Variants in ARAP3 observed in about 807,000 individuals in gnomAD.
ARAP3 encodes arf-GAP with Rho-GAP domain, ANK repeat and PH domain-containing protein 3.
ARAP3 carries 82 observed loss-of-function variants against 169.2 expected under a neutral mutation model. The observed-to-expected ratio is 0.48, with a 90% confidence interval of 0.41 to 0.58. ARAP3 has a LOEUF of 0.58. Ranked by LOEUF, ARAP3 falls within the 20% of genes least tolerant of loss-of-function variation. ARAP3 has a pLI of 0.00. For missense variants in ARAP3, 1,764 were observed against 2,018.0 expected, an observed-to-expected ratio of 0.87 and a Z score of 2.41; for synonymous variants, 791 against 800.3, an observed-to-expected ratio of 0.99 and a Z score of 0.20.
chr5:141,677,428 C>T (rs1472059581), intron 4 of ARAP3, among the ~76,000 whole-genome samples: 3 of 152,202 alleles, frequency 2.0e-5, no homozygotes, highest in African/African-American at 7.2e-5. Context: ...CCATACTGGT[C>T]AGCACCAGCT....
Position 141,666,419 on chromosome 5 carries a change from C to G in ARAP3, c.2572+5G>C. ...ATCCCTGTCCCCCCAAACCTCCCCGCTTACTGATCTCCTGTAGCCGCCGCA... is the reference window on the plus strand; with the variant it reads ...ATCCCTGTCCCCCCAAACCTCCCCGGTTACTGATCTCCTGTAGCCGCCGCA... On this transcript the variant is annotated splice_donor_5th_base_variant and intron_variant, in intron 17 of 32. Transcript: ENST00000239440. 6.4e-7 allele frequency: 1 copy of G among 1,564,082 alleles called. No individual in the cohort carries two copies. The highest frequency in any genetic ancestry group is 8.7e-7 in the Non-Finnish European group (1 of 1,153,672).
chr5:141,670,042 A>T lies in ARAP3; in HGVS notation c.2129T>A (p.Val710Glu), dbSNP rs941976222. ...AAACATTTCCAGAGCTGCTCCCAGCACACACCAAAGGCGCGGGGGAGCTAA... is the reference window on the plus strand; with the variant it reads ...AAACATTTCCAGAGCTGCTCCCAGCTCACACCAAAGGCGCGGGGGAGCTAA... ...GRDAPPRLWC[V>E]LGAALEMFAS... is the part of the protein sequence containing the mutation. The change falls in exon 15 of 33, where the codon GTG becomes GAG. Residue 710 changes from valine to glutamate, a missense_variant. Physicochemically the swap from Val to Glu is moderately radical, Grantham distance 121 (BLOSUM62 -2). Around this residue, in one of 3 missense-constraint regions of ARAP3, gnomAD observed 1,112 missense variants for 1,285.7 expected, o/e 0.86. Transcript: ENST00000239440. The T allele has an allele frequency of 2.5e-6, 4 of 1,598,164 alleles. No homozygotes were observed. The highest frequency in any genetic ancestry group is 3.4e-6 in the Non-Finnish European group (4 of 1,176,128).
intron 21 of ARAP3, among the ~76,000 whole-genome samples, 176 bp downstream of exon 21, chr5:141,661,508 A>C (rs1308182249): frequency 1.3e-5 from 2 of 152,270 alleles, no homozygotes; most frequent in East Asian, 3.8e-4. Context: ...GCACCAGATT[A>C]AAGCCTAGGT....
chr5:141,677,353 T>C (rs1286516569), intron 4 of ARAP3, among the ~76,000 whole-genome samples: 1 of 152,242 alleles, frequency 6.6e-6, no homozygotes, highest in Non-Finnish European at 1.5e-5. Flanking sequence ...TTTACATTTA[T>C]TGTGCATCTC....
chr5:141,665,512 A>G, intron 17 of ARAP3, 138 bp from the exon 18 acceptor site: 1 of 811,492 alleles, frequency 1.2e-6, no homozygotes, highest in Non-Finnish European at 1.9e-6. Flanking sequence ...TGAGTTATGT[A>G]CTATTATTCC....
At position 141,675,481 on chromosome 5, in the gene ARAP3, G is replaced by A. The variant is rs2099912044; in HGVS notation, c.699-1673C>T. ...TATACCTGTAATCCCAGCACTTTGG[G>A]AGGCCGAGTCAGGCAGATCACAAGG... is the stretch of plus-strand genomic sequence containing the variant. On this transcript the variant is annotated intron_variant, in intron 4 of 32. Coordinates refer to ENST00000239440, the MANE Select transcript of ARAP3 (RefSeq NM_022481.6). Among the ~76,000 whole-genome samples the A allele has an allele frequency of 2.6e-5, 4 of 151,914 alleles. No individual in the cohort carries two copies. In the South Asian group the frequency reaches 8.3e-4, roughly 32 times the overall value.
chr5:141,675,534 T>C (rs1054845023), intron 4 of ARAP3, among the ~76,000 whole-genome samples: 2 of 151,544 alleles, frequency 1.3e-5, no homozygotes. Context: ...GCCTGGGCAA[T>C]ATGGTGAAAC....
chr5:141,656,473 G>C (rs1325876231), intron 27 of ARAP3, 31 bp downstream of exon 27: 1 of 1,604,396 alleles, frequency 6.2e-7, no homozygotes. Flanking sequence ...TGGCCACCCA[G>C]CATCCCACAC....
At chr5:141,661,835 A>T in intron 20 of ARAP3, 46 bp from the exon 21 acceptor site, 1 of 1,597,918 alleles carries the variant, frequency 6.3e-7, no homozygotes, top group East Asian at 2.2e-5. Flanking sequence ...GGGAAGAAAG[A>T]GTGGCAGCTG....
chr5:141,675,122 C>T (rs1440640469), intron 4 of ARAP3, among the ~76,000 whole-genome samples: 1 of 152,152 alleles, frequency 6.6e-6, no homozygotes, highest in Non-Finnish European at 1.5e-5. Flanking sequence ...AGCCTTTGCA[C>T]ACGCTCTTCC....
intron 16 of ARAP3, among the ~76,000 whole-genome samples, chr5:141,667,503 G>C (rs536070018): frequency 1.3e-5 from 2 of 148,332 alleles, no homozygotes; most frequent in Non-Finnish European, 3.0e-5. Flanking sequence ...GCATGATCTC[G>C]GCTCACTGCA....
At position 141,653,912 on chromosome 5, in the gene ARAP3, C is replaced by T. The variant is rs1368832626; in HGVS notation, c.*38G>A. On this transcript the variant is annotated 3_prime_UTR_variant, in exon 33 of 33. Coordinates refer to ENST00000239440, the MANE Select transcript of ARAP3 (RefSeq NM_022481.6). ...AGTGCCACGATAAGAGTTTCTGGGT[C>T]TTCTGGTACCTACCCTCTCAGACTG... 9 of 1,508,954 alleles carry T rather than the reference C, an allele frequency of 6.0e-6. No individual in the cohort carries two copies. Among genetic ancestry groups the T allele is most frequent in the Non-Finnish European group, 3.5e-6 (4 of 1,130,274 alleles). 93.5% of individuals were successfully genotyped at this position (1,508,954 alleles called of 1,614,324 possible). A position where few individuals can be genotyped will look rare whatever the true frequency, so the allele number is the denominator to read the frequency against.
intron 16 of ARAP3, among the ~76,000 whole-genome samples, 160 bp downstream of exon 16, chr5:141,669,549 G>A (rs1352245044): frequency 6.6e-6 from 1 of 152,162 alleles, no homozygotes; most frequent in African/African-American, 2.4e-5. Context: ...ATGAGATATC[G>A]AGTGGGCAGT....
At position 141,671,640 on chromosome 5, in the gene ARAP3, G is replaced by C; in HGVS notation, c.1784C>G (p.Ser595Cys). 6.2e-7 allele frequency: 1 copy of C among 1,614,104 alleles called. No individual in the cohort carries two copies. Among genetic ancestry groups the C allele is most frequent in the South Asian group, 1.1e-5 (1 of 91,082 alleles). Residue 595 changes from serine (S) to cysteine (C), a missense_variant, in exon 12 of 33, where the codon TCC becomes TGC. Around this residue, in one of 3 missense-constraint regions of ARAP3, gnomAD observed 1,112 missense variants for 1,285.7 expected, o/e 0.86. Transcript: ENST00000239440. This position sits in a 1 kb window ranked among gnomAD's most constrained non-coding sequence, Gnocchi z 4.9. ...ATPGPRGEFI[S>C]RKYRLGLFRK... is the part of the protein sequence containing the mutation. ...GAAGAGACCCAGACGGTACTTTCGG[G>C]AGATGAACTCTCCCCGGGGGCCAGG...
chr5:141,658,414 A>G lies in ARAP3; in HGVS notation c.3477T>C (p.Ala1159=), dbSNP rs1426550411. 3 of 1,613,958 alleles carry G rather than the reference A, an allele frequency of 1.9e-6. No individual in the cohort carries two copies. The East Asian group carries it at 6.7e-5, about 36-fold the overall frequency. The change falls in exon 25 of 33, where the codon GCT becomes GCC. Residue 1159 remains alanine (A), a synonymous_variant. Transcript: ENST00000239440. The stretch of plus-strand genomic sequence containing the variant: ...CAAAAGTCACCCACAAGTCCATCCC[A>G]GCTGCTGTCCCCCGCATCTCCAGTA... ...NQVLEMRGTA[A]GMDLWVTFEI...
intron 19 of ARAP3, 152 bp from the exon 20 acceptor site, chr5:141,662,407 G>A (rs2099910071): frequency 4.0e-6 from 3 of 745,544 alleles, no homozygotes; most frequent in Admixed American, 2.7e-5. Context: ...TTGATTCTCA[G>A]GTCTCTGCTG....
rs2099911473 is a variant in ARAP3 at position 141,671,709 on chromosome 5, G to A, written c.1715C>T (p.Ala572Val). The A allele has an allele frequency of 6.2e-7, 1 of 1,609,538 alleles. No individual in the cohort carries two copies. The highest frequency in any genetic ancestry group is 8.5e-7 in the Non-Finnish European group (1 of 1,177,718). ...TCCCTCACCTGGGGGTAGGGTCCCT[G>A]CCCAGAAGCGGTTGGCACGATCATT... ...LGNDRANRFWAGTLPPGEGLH... is the reference protein window; with the variant it reads ...LGNDRANRFWVGTLPPGEGLH... The change falls in exon 12 of 33, where the codon GCA becomes GTA. Residue 572 changes from alanine to valine, a missense_variant. Transcript: ENST00000239440. The surrounding 1 kb of genome is among the most constrained non-coding windows in gnomAD (Gnocchi z 4.9).
rs760015763 is a variant in ARAP3 at position 141,659,889 on chromosome 5, G to A, written c.3157C>T (p.Arg1053Trp). The A allele has an allele frequency of 4.0e-5, 64 of 1,585,012 alleles. 1 individual carries two copies. The highest frequency in any genetic ancestry group is 3.3e-4 in the Middle Eastern group (2 of 6,038). ...GGTGCAAACAGCAGAGCCAAGTTCCGCGTGCACATCTGGTTTAGAGCCGCA... is the reference window on the plus strand; with the variant it reads ...GGTGCAAACAGCAGAGCCAAGTTCCACGTGCACATCTGGTTTAGAGCCGCA... ...KCAALNQMCT[R>W]NLALLFAPSV... The change falls in exon 22 of 33, where the codon CGG (arginine) becomes TGG (tryptophan). Residue 1053 changes from arginine (R) to tryptophan (W), a missense_variant. Coordinates refer to ENST00000239440, the MANE Select transcript of ARAP3 (RefSeq NM_022481.6).
chr5:141,681,303 C>T (rs80186887), intron 1 of ARAP3, among the ~76,000 whole-genome samples: 67 of 152,204 alleles, frequency 4.4e-4, no homozygotes, highest in African/African-American at 1.6e-3. Context: ...AGCATGTTCA[C>T]ATGCTGTTCA....
Sources: gnomAD v4.1 joint callset for allele counts (sites outside exome capture counted in the v4.1 genomes callset) on GRCh38, gnomAD v4.1.1 for gene constraint, gnomAD v4.1.1 regional missense constraint, Gnocchi (gnomAD v3.1) non-coding constraint, MANE v1.5 for transcripts, NCBI Gene and HGNC (gene_info 2026-07-23, HGNC 2026-07-21) for gene names.